Variants in CCDC3 observed in about 807,000 individuals in gnomAD.
The protein encoded by CCDC3 is coiled-coil domain-containing protein 3.
CCDC3 carries 24 observed loss-of-function variants against 21.4 expected under a neutral mutation model. The ratio of observed to expected loss-of-function variants is 1.12; its 90% CI spans 0.81 to 1.58. The LOEUF (loss-of-function observed/expected upper bound fraction) is 1.58. Ranked by LOEUF, CCDC3 falls within the 40% of genes most tolerant of loss-of-function variation. The pLI is 0.00. For missense variants in CCDC3, 425 were observed against 360.9 expected, an observed-to-expected ratio of 1.18 and a Z score of -1.44; for synonymous variants, 186 against 166.0, an observed-to-expected ratio of 1.12 and a Z score of -0.93.
chr10:13,012,988 T>C (rs1242140206), intron 5 of CCDC3, among the ~76,000 whole-genome samples: 1 of 152,238 alleles, frequency 6.6e-6, no homozygotes. Flanking sequence ...AAAATTTTTA[T>C]ATTCAAAATT....
intron 5 of CCDC3, among the ~76,000 whole-genome samples, chr10:13,028,161 T>C (rs1482326455): frequency 2.0e-5 from 3 of 152,136 alleles, no homozygotes; most frequent in Admixed American, 2.0e-4. Flanking sequence ...AGGGACCCAG[T>C]GGGAGGTAAT....
intron 2 of CCDC3, 90 bp downstream of exon 2, chr10:12,998,248 G>A: frequency 7.1e-7 from 1 of 1,406,098 alleles, no homozygotes; most frequent in Middle Eastern, 1.8e-4. Flanking sequence ...GCTTTTGGAA[G>A]AGTATTCTTG....
intron 3 of CCDC3, among the ~76,000 whole-genome samples, chr10:13,077,447 T>C (rs1261427551): frequency 6.6e-6 from 1 of 152,206 alleles, no homozygotes; most frequent in Non-Finnish European, 1.5e-5. Flanking sequence ...AGGTAATTTA[T>C]AGATTCAATG....
At chr10:13,073,675 C>T (rs138021982) in intron 4 of CCDC3, among the ~76,000 whole-genome samples, 111 of 152,148 alleles carry the variant, frequency 7.3e-4, no homozygotes, top group Middle Eastern at 3.4e-3. Context: ...TTTGTAGAGA[C>T]AGGGTTTCTC....
chr10:12,969,627 G>C (rs1230817456), intron 2 of CCDC3, among the ~76,000 whole-genome samples: 1 of 150,096 alleles, frequency 6.7e-6, no homozygotes, highest in Admixed American at 6.6e-5. Flanking sequence ...GATAAAAAAA[G>C]TTTTTTTATA....
intron 2 of CCDC3, among the ~76,000 whole-genome samples, chr10:12,924,937 G>C (rs935741997): frequency 6.6e-6 from 1 of 152,236 alleles, no homozygotes; most frequent in Non-Finnish European, 1.5e-5. Context: ...TTTCTATGGA[G>C]ACTTGCAGCT....
intron 2 of CCDC3, among the ~76,000 whole-genome samples, chr10:12,954,301 G>T (rs1327076861): frequency 6.6e-6 from 1 of 152,142 alleles, no homozygotes; most frequent in Non-Finnish European, 1.5e-5. Flanking sequence ...TGGCTATATT[G>T]AATTGAAACA....
rs475023 is a variant in CCDC3, at chr10:13,025,210, T to C, written c.-2+24464A>G. ...CTGTAAATTGGTACTGGATGCTGGT[T>C]GGAGGTTCAACTGGAATTGGCGAAG... On this transcript the variant is annotated intron_variant, in intron 5 of 6. Coordinates refer to the CCDC3 transcript ENST00000378839. Among the ~76,000 whole-genome samples, 634 of 152,320 alleles carry C rather than the reference T, an allele frequency of 4.2e-3. 7 individuals are homozygous for C. Among genetic ancestry groups the C allele is most frequent in the African/African-American group, 0.015 (603 of 41,572 alleles).
At chr10:13,076,201 T>C (rs1000789473) in intron 3 of CCDC3, among the ~76,000 whole-genome samples, 5 of 152,120 alleles carry the variant, frequency 3.3e-5, no homozygotes, top group Admixed American at 6.5e-5. Flanking sequence ...ACTTAGCAAA[T>C]GGGCAAATGT....
chr10:12,931,607 A>G (rs901275331), intron 2 of CCDC3, among the ~76,000 whole-genome samples: 9 of 152,234 alleles, frequency 5.9e-5, no homozygotes, highest in African/African-American at 2.2e-4. Context: ...TGAAGGGCTA[A>G]ATCAGTGGTG....
chr10:12,975,597 A>G lies in CCDC3; in HGVS notation c.549+22741T>C, dbSNP rs112633317. On this transcript the variant is annotated intron_variant, in intron 2 of 2. Coordinates refer to ENST00000378825, the MANE Select transcript of CCDC3 (RefSeq NM_031455.4). ...TTGTGCAGGTGGCCAAGGCTGCAGC[A>G]GGGACTCTGGACAGAAAGTGGCCCA... 3.9e-5 allele frequency among the ~76,000 whole-genome samples: 6 copies of G among 152,312 alleles called. 1 individual carries two copies. The highest frequency in any genetic ancestry group is 1.4e-4 in the African/African-American group (6 of 41,562).
At chr10:13,061,215 G>A (rs544487125) in intron 4 of CCDC3, among the ~76,000 whole-genome samples, 1 of 152,288 alleles carries the variant, frequency 6.6e-6, no homozygotes, top group South Asian at 2.1e-4. Flanking sequence ...ATCTTCCTGA[G>A]GATACAAAGC....
chr10:12,987,978 C>T (rs1023633206), intron 2 of CCDC3, among the ~76,000 whole-genome samples: 1 of 151,886 alleles, frequency 6.6e-6, no homozygotes, highest in Non-Finnish European at 1.5e-5. Flanking sequence ...TGCCCCTCAG[C>T]AATCTGTGGT....
chr10:13,000,654 G>C (rs944145636), intron 1 of CCDC3, among the ~76,000 whole-genome samples: 4 of 152,198 alleles, frequency 2.6e-5, no homozygotes, highest in Non-Finnish European at 4.4e-5. Flanking sequence ...GAAGAGGAGA[G>C]AGTGGACAGC....
chr10:12,981,074 T>C (rs1835489867), intron 2 of CCDC3, among the ~76,000 whole-genome samples: 1 of 152,018 alleles, frequency 6.6e-6, no homozygotes, highest in Non-Finnish European at 1.5e-5. Context: ...GGTCTTGCTA[T>C]GTTGCCCAGG....
intron 2 of CCDC3, among the ~76,000 whole-genome samples, chr10:12,942,945 A>C (rs537948098): frequency 6.6e-6 from 1 of 152,260 alleles, no homozygotes; most frequent in South Asian, 2.1e-4. Flanking sequence ...CCGCAGATGA[A>C]TGACGCCATT....
In CCDC3 at chr10:12,998,491, G is replaced by A. The variant is rs757412017; in HGVS notation, c.396C>T (p.Leu132=). 2 of 1,614,160 alleles carry A rather than the reference G, an allele frequency of 1.2e-6. No individual in the cohort carries two copies. The highest frequency in any genetic ancestry group is 1.7e-6 in the Non-Finnish European group (2 of 1,180,028). The part of the protein sequence containing the change: ...FFLRMDENYN[L]LPHGVNFQDA... ...CTTGGAAATTGACTCCGTGAGGCAA[G>A]AGGTTATAATTTTCATCCATCCTAA... Residue 132 remains leucine, a synonymous_variant, in exon 2 of 3, where the codon CTC becomes CTT. Coordinates refer to ENST00000378825, the MANE Select transcript of CCDC3 (RefSeq NM_031455.4).
intron 4 of CCDC3, among the ~76,000 whole-genome samples, chr10:13,064,897 C>T (rs2131435246): frequency 6.6e-6 from 1 of 151,766 alleles, no homozygotes; most frequent in African/African-American, 2.4e-5. Flanking sequence ...ATGGTTACAT[C>T]CTTTTGAGTT....
At chr10:13,089,246 A>G (rs968146432) in intron 3 of CCDC3, among the ~76,000 whole-genome samples, 3 of 152,226 alleles carry the variant, frequency 2.0e-5, no homozygotes, top group Non-Finnish European at 4.4e-5. Flanking sequence ...ATATTTATAA[A>G]TGAACACTTA....
Sources: gnomAD v4.1 joint callset for allele counts (sites outside exome capture counted in the v4.1 genomes callset) on GRCh38, gnomAD v4.1.1 for gene constraint, MANE v1.5 for transcripts, NCBI Gene and HGNC (gene_info 2026-07-23, HGNC 2026-07-21) for gene names.